SRSF7: variants seen among roughly 807,000 people sequenced by gnomAD.
The protein encoded by SRSF7 is serine/arginine-rich splicing factor 7.
SRSF7 carries 15 observed loss-of-function variants against 42.2 expected under a neutral mutation model. The ratio of observed to expected loss-of-function variants is 0.36; its 90% CI spans 0.24 to 0.55. The LOEUF (loss-of-function observed/expected upper bound fraction) is 0.55. SRSF7 is among the 20% of genes least tolerant of loss of function. The probability of loss-of-function intolerance (pLI) is 0.88; values close to 1 mark genes in which losing one functional copy is unlikely to be tolerated. For missense variants in SRSF7, 181 were observed against 305.9 expected, an observed-to-expected ratio of 0.59 and a Z score of 3.04; for synonymous variants, 138 against 107.9, an observed-to-expected ratio of 1.28 and a Z score of -1.73.
Position 38,746,140 on chromosome 2 carries a change from T to C in SRSF7, c.662+4A>G. On this transcript the variant is annotated splice_donor_region_variant and intron_variant, in intron 7 of 7. Transcript: ENST00000313117. ...AAGATTTGGCAACAAAACATTTAGC[T>C]TACCTTCTTTTTGGAGATGGAGATC... 6.2e-7 allele frequency: 1 copy of C among 1,614,148 alleles called. No homozygotes were observed. Among genetic ancestry groups the C allele is most frequent in the Non-Finnish European group, 8.5e-7 (1 of 1,179,996 alleles).
chr2:38,750,507 C>T (rs892023136), intron 1 of SRSF7, among the ~76,000 whole-genome samples: 3 of 151,646 alleles, frequency 2.0e-5, no homozygotes, highest in Non-Finnish European at 2.9e-5. Context: ...CCGGCAGCCC[C>T]GGGCGCACCG....
intron 7 of SRSF7, among the ~76,000 whole-genome samples, 194 bp from the exon 8 acceptor site, chr2:38,745,381 G>C (rs115260297): frequency 5.3e-5 from 8 of 152,122 alleles, no homozygotes; most frequent in Admixed American, 3.3e-4. Context: ...GGCCAGGCAC[G>C]GTGGCTCACG....
intron 1 of SRSF7, 115 bp from the exon 2 acceptor site, chr2:38,750,309 C>CAGAG: frequency 1.1e-6 from 1 of 890,636 alleles, no homozygotes; most frequent in South Asian, 1.7e-5. Flanking sequence ...ACATTTAATG[C>CAGAG]CCTCTATCCA....
At chr2:38,747,812 G>A (rs182394904) in intron 5 of SRSF7, among the ~76,000 whole-genome samples, 1 of 152,204 alleles carries the variant, frequency 6.6e-6, no homozygotes, top group Non-Finnish European at 1.5e-5. Flanking sequence ...GAGTAGAACT[G>A]TATTGCTTGG....
chr2:38,750,955 A>C, intron 1 of SRSF7: 1 of 399,444 alleles, frequency 2.5e-6, no homozygotes, highest in South Asian at 3.1e-5. Context: ...GGCAGCTCCG[A>C]GAAAGGCAAC....
At chr2:38,749,305 C>T (rs1241915243) in intron 3 of SRSF7, 5 of 1,494,492 alleles carry the variant, frequency 3.3e-6, no homozygotes, top group Admixed American at 2.0e-5. Flanking sequence ...TCATAAGGCT[C>T]GTGACATTCT....
chr2:38,749,821 A>C, intron 2 of SRSF7, 116 bp from the exon 3 acceptor site: 1 of 1,309,204 alleles, frequency 7.6e-7, no homozygotes, highest in South Asian at 1.7e-5. Flanking sequence ...CCCCCCAACA[A>C]ACTTTGGCGG....
At chr2:38,749,288 C>T in intron 3 of SRSF7, 1 of 1,472,676 alleles carries the variant, frequency 6.8e-7, no homozygotes, top group Non-Finnish European at 9.1e-7. Flanking sequence ...GGCGCCTCAG[C>T]ATGATATCAT....
Position 38,745,034 on chromosome 2 carries a change from G to T in SRSF7, c.*99C>A. ...AATCCAGATCCATTTTGATTAGATGGTTGAATTATCTTTCCTAGGTTACAC... is the reference window on the plus strand; with the variant it reads ...AATCCAGATCCATTTTGATTAGATGTTTGAATTATCTTTCCTAGGTTACAC... On this transcript the variant is annotated 3_prime_UTR_variant, in exon 8 of 8. Coordinates refer to ENST00000313117, the MANE Select transcript of SRSF7 (RefSeq NM_001031684.3). 8.2e-7 allele frequency: 1 copy of T among 1,213,282 alleles called. No homozygotes were observed. Among genetic ancestry groups the T allele is most frequent in the Non-Finnish European group, 1.2e-6 (1 of 848,016 alleles). The allele number at this position is 1,213,282 out of a possible 1,614,324, so 75.2% of individuals were successfully genotyped here.
At chr2:38,748,721 C>G in intron 3 of SRSF7, 68 bp from the exon 4 acceptor site, 1 of 1,478,076 alleles carries the variant, frequency 6.8e-7, no homozygotes, top group Non-Finnish European at 9.4e-7. Context: ...TTGTGTGCCT[C>G]TGCTGAAATC....
chr2:38,749,883 C>T (rs934357940), intron 2 of SRSF7, 131 bp downstream of exon 2: 1 of 1,269,820 alleles, frequency 7.9e-7, no homozygotes, highest in Non-Finnish European at 1.1e-6. Context: ...CCTTCGTGTG[C>T]CTTTAGCATT....
intron 2 of SRSF7, 47 bp downstream of exon 2, chr2:38,749,967 G>A (rs777425145): frequency 1.3e-6 from 2 of 1,545,314 alleles, no homozygotes; most frequent in East Asian, 2.3e-5. Context: ...TCATTATCTA[G>A]CCACAGTATA....
chr2:38,745,109 C>T lies in SRSF7; in HGVS notation c.*24G>A. 1.2e-6 allele frequency: 2 copies of T among 1,613,260 alleles called. No homozygotes were observed. The highest frequency in any genetic ancestry group is 1.7e-6 in the Non-Finnish European group (2 of 1,179,364). On this transcript the variant is annotated 3_prime_UTR_variant, in exon 8 of 8. Transcript: ENST00000313117. ...TAATAATGTAAACAAAATAACTTTT[C>T]CCTAAAGGGTGAACTTGAGAGCTTC... is the stretch of plus-strand genomic sequence containing the variant.
rs1406409821 is a variant in SRSF7, at chr2:38,748,574, C to G, written c.461+5G>C. The G allele has an allele frequency of 1.2e-6, 2 of 1,613,692 alleles. No homozygotes were observed. Among genetic ancestry groups the G allele is most frequent in the Non-Finnish European group, 1.7e-6 (2 of 1,179,642 alleles). On this transcript the variant is annotated splice_donor_5th_base_variant and intron_variant, in intron 4 of 7. Transcript: ENST00000313117. ...CAGAAAGACTTCAGTTAAACAAGAT[C>G]TCACCTTCGTCCCCTGCTCCTGCTG...
chr2:38,750,988 TGCTTTAGGCTGGATTGG>T, intron 1 of SRSF7: 1 of 477,050 alleles, frequency 2.1e-6, no homozygotes, highest in Non-Finnish European at 3.9e-6. Flanking sequence ...ATCTCAACCC[TGCTTTAGGCTGGATTGG>T]GCCACAAAAA....
In SRSF7 at chr2:38,743,625, T is replaced by C; in HGVS notation, c.*1508A>G. ...TATTTGTTCAATCTCTGCAGATTTA[T>C]TGTTGAGTAAACTTATCTTTAAATA... is the stretch of plus-strand genomic sequence containing the variant. On this transcript the variant is annotated 3_prime_UTR_variant, in exon 8 of 8. Transcript: ENST00000313117. 1 of 152,674 alleles carries C rather than the reference T, an allele frequency of 6.5e-6. No homozygotes were observed. Among genetic ancestry groups the C allele is most frequent in the African/African-American group, 2.4e-5 (1 of 41,480 alleles). The allele number at this position is 152,674 out of a possible 1,614,324, so 9.5% of individuals were successfully genotyped here.
At chr2:38,751,045 G>T (rs942605989) in intron 1 of SRSF7, 184 bp downstream of exon 1, 3 of 705,236 alleles carry the variant, frequency 4.3e-6, no homozygotes, top group African/African-American at 1.8e-5. Flanking sequence ...CGGCAGAGAT[G>T]TACACCCGCC....
intron 3 of SRSF7, chr2:38,749,292 A>G (rs1231924425): frequency 2.7e-6 from 4 of 1,476,972 alleles, no homozygotes; most frequent in Non-Finnish European, 3.6e-6. Flanking sequence ...CCTCAGCATG[A>G]TATCATAAGG....
chr2:38,750,575 C>T (rs950259024), intron 1 of SRSF7, among the ~76,000 whole-genome samples: 4 of 151,782 alleles, frequency 2.6e-5, no homozygotes, highest in African/African-American at 9.7e-5. Flanking sequence ...TCGGTAGGGG[C>T]CGGGCCAGGA....
Sources: gnomAD v4.1 joint callset for allele counts (sites outside exome capture counted in the v4.1 genomes callset) on GRCh38, gnomAD v4.1.1 for gene constraint, MANE v1.5 for transcripts, NCBI Gene and HGNC (gene_info 2026-07-23, HGNC 2026-07-21) for gene names.